Variants in B3GALT1 observed in about 807,000 individuals in gnomAD.
The protein encoded by B3GALT1 is beta-1,3-galactosyltransferase 1, also known as UDP-Gal:betaGlcNAc beta 1,3-galactosyltransferase, polypeptide 1.
A neutral mutation model predicts 23.2 loss-of-function variants in B3GALT1; 10 were observed. The ratio of observed to expected loss-of-function variants is 0.43; its 90% CI spans 0.27 to 0.73. B3GALT1 has a LOEUF of 0.73. B3GALT1 is among the 30% of genes least tolerant of loss of function. B3GALT1 has a pLI of 0.21. For missense variants in B3GALT1, 299 were observed against 405.4 expected (o/e 0.74, Z 2.25); for synonymous variants, 156 against 141.5 (o/e 1.10, Z -0.73).
At chr2:167,443,213 T>A (rs553878342) in intron 1 of B3GALT1, among the ~76,000 whole-genome samples, 101 of 152,132 alleles carry the variant, frequency 6.6e-4, no homozygotes, top group African/African-American at 2.4e-3. Flanking sequence ...CTGAGGGCTC[T>A]GTTCTGTTCC....
chr2:167,430,722 T>G (rs1326794837), intron 1 of B3GALT1, among the ~76,000 whole-genome samples: 1 of 152,170 alleles, frequency 6.6e-6, no homozygotes, highest in Non-Finnish European at 1.5e-5. Context: ...AAGAGGGGCA[T>G]TATGGGAAGA....
intron 2 of B3GALT1, among the ~76,000 whole-genome samples, chr2:167,512,604 A>G (rs1471925884): frequency 5.9e-5 from 6 of 102,472 alleles, no homozygotes; most frequent in Non-Finnish European, 7.0e-5. Flanking sequence ...GTATATATAT[A>G]TATGTATATA....
intron 1 of B3GALT1, among the ~76,000 whole-genome samples, chr2:167,368,036 A>G (rs1559077011): frequency 6.6e-6 from 1 of 152,226 alleles, no homozygotes; most frequent in Non-Finnish European, 1.5e-5. Context: ...TCCTTCCTTT[A>G]GCAGCCAGGC....
chr2:167,315,148 C>A lies in B3GALT1; in HGVS notation c.-511+21814C>A, dbSNP rs554051983. Among the ~76,000 whole-genome samples, 10 of 152,214 alleles carry A rather than the reference C, an allele frequency of 6.6e-5. No homozygotes were observed. In the East Asian group the frequency reaches 1.9e-3, roughly 29 times the overall value. ...TTTAAAAAAAGAAGAGCTTGTTTGA[C>A]ATAATAAAATGTAAGCCAGAGAATA... is the stretch of plus-strand genomic sequence containing the variant. On this transcript the variant is annotated intron_variant, in intron 1 of 4. Transcript: ENST00000392690.
chr2:167,514,881 T>C (rs1297683862), intron 2 of B3GALT1, among the ~76,000 whole-genome samples: 2 of 152,134 alleles, frequency 1.3e-5, no homozygotes, highest in Non-Finnish European at 2.9e-5. Flanking sequence ...TATAAACTAC[T>C]ATAATTTGTT....
chr2:167,828,418 C>T (rs1175141258), intron 4 of B3GALT1, among the ~76,000 whole-genome samples: 1 of 152,148 alleles, frequency 6.6e-6, no homozygotes, highest in Admixed American at 6.5e-5. Context: ...GGGAATGTGA[C>T]ATGGTCAGAA....
At chr2:167,762,220 T>C (rs1205652296) in intron 3 of B3GALT1, among the ~76,000 whole-genome samples, 1 of 152,164 alleles carries the variant, frequency 6.6e-6, no homozygotes, top group East Asian at 1.9e-4. Flanking sequence ...CTCAGCACAA[T>C]GACATGTCAC....
chr2:167,457,130 A>G (rs1198638484), intron 1 of B3GALT1, among the ~76,000 whole-genome samples: 1 of 152,004 alleles, frequency 6.6e-6, no homozygotes, highest in African/African-American at 2.4e-5. Flanking sequence ...ACAAAGGCCC[A>G]ATATAGGTTT....
intron 2 of B3GALT1, among the ~76,000 whole-genome samples, chr2:167,531,837 A>G (rs1350362732): frequency 1.3e-5 from 2 of 152,210 alleles, no homozygotes; most frequent in African/African-American, 4.8e-5. Context: ...TTATCAAGAT[A>G]TTTTAATTTA....
At chr2:167,342,235 C>T (rs754262355) in intron 1 of B3GALT1, among the ~76,000 whole-genome samples, 5 of 151,966 alleles carry the variant, frequency 3.3e-5, no homozygotes, top group South Asian at 2.1e-4. Flanking sequence ...TTGAAAATGT[C>T]GAAGAAAAGT....
At chr2:167,352,443 C>T (rs556539898) in intron 1 of B3GALT1, among the ~76,000 whole-genome samples, 5 of 150,692 alleles carry the variant, frequency 3.3e-5, no homozygotes, top group South Asian at 4.3e-4. Context: ...AAACTGTAGC[C>T]GGGGGCAGTG....
intron 2 of B3GALT1, among the ~76,000 whole-genome samples, chr2:167,563,007 C>T (rs1684042872): frequency 6.6e-6 from 1 of 152,186 alleles, no homozygotes; most frequent in East Asian, 1.9e-4. Context: ...AGAAGAACCT[C>T]TCTCAGTACA....
chr2:167,806,108 C>T (rs2105346186), intron 3 of B3GALT1, among the ~76,000 whole-genome samples: 1 of 152,274 alleles, frequency 6.6e-6, no homozygotes, highest in Admixed American at 6.5e-5. Context: ...TGAAAGTTCA[C>T]TCATTATTTG....
chr2:167,516,409 T>C (rs1029015076), intron 2 of B3GALT1, among the ~76,000 whole-genome samples: 8 of 152,200 alleles, frequency 5.3e-5, no homozygotes, highest in Admixed American at 2.0e-4. Context: ...TTCTTCTATA[T>C]CATCCTCAGA....
chr2:167,707,517 T>C (rs373708425), intron 3 of B3GALT1, among the ~76,000 whole-genome samples: 2 of 148,418 alleles, frequency 1.3e-5, no homozygotes, highest in Non-Finnish European at 3.0e-5. Context: ...ATTTTTTTTT[T>C]CCGGCTTCTA....
At chr2:167,817,813 A>G (rs1317754300) in intron 3 of B3GALT1, among the ~76,000 whole-genome samples, 3 of 152,252 alleles carry the variant, frequency 2.0e-5, no homozygotes, top group Non-Finnish European at 2.9e-5. Flanking sequence ...GAAGCTTTGT[A>G]TACATATATA....
At chr2:167,328,729 T>A (rs912536614) in intron 1 of B3GALT1, among the ~76,000 whole-genome samples, 50 of 152,160 alleles carry the variant, frequency 3.3e-4, no homozygotes, top group African/African-American at 1.2e-3. Flanking sequence ...ATTATTTATT[T>A]CCTTCTGCTT....
At chr2:167,605,031 A>C (rs968631339) in intron 2 of B3GALT1, among the ~76,000 whole-genome samples, 2 of 152,228 alleles carry the variant, frequency 1.3e-5, no homozygotes, top group South Asian at 2.1e-4. Flanking sequence ...AGAGAGCACT[A>C]GTTCTTCTAG....
intron 1 of B3GALT1, among the ~76,000 whole-genome samples, chr2:167,449,400 A>G (rs1385198349): frequency 2.0e-5 from 3 of 152,060 alleles, no homozygotes. Context: ...CAGCTTGGTC[A>G]CTGTTGGTGT....
Sources: allele counts gnomAD v4.1 joint callset (sites outside exome capture counted in the v4.1 genomes callset), GRCh38; gene constraint gnomAD v4.1.1; transcripts MANE v1.5; gene names NCBI Gene and HGNC (gene_info 2026-07-23, HGNC 2026-07-21).